Variants in RCOR1 observed in about 807,000 individuals in gnomAD.
The protein encoded by RCOR1 is REST corepressor 1.
Under a neutral mutation model 64.0 loss-of-function variants are expected in RCOR1, and 12 were observed. The observed-to-expected ratio is 0.19, with a 90% confidence interval of 0.12 to 0.30. The LOEUF (loss-of-function observed/expected upper bound fraction) is 0.30. Ranked by LOEUF, RCOR1 falls within the 10% of genes least tolerant of loss-of-function variation. RCOR1 has a pLI of 1.00. For missense variants in RCOR1, 502 were observed against 621.2 expected (o/e 0.81, Z 2.04); for synonymous variants, 279 against 227.2 (o/e 1.23, Z -2.05).
chr14:102,665,214 A>G (rs1894894528), intron 2 of RCOR1, among the ~76,000 whole-genome samples: 1 of 151,900 alleles, frequency 6.6e-6, no homozygotes, highest in African/African-American at 2.4e-5. Flanking sequence ...CATGTTGGTC[A>G]GGCTGGTCTC....
At chr14:102,656,840 A>G (rs1254120578) in intron 2 of RCOR1, among the ~76,000 whole-genome samples, 1 of 151,146 alleles carries the variant, frequency 6.6e-6, no homozygotes, top group African/African-American at 2.4e-5. Context: ...CAGTCGCGCA[A>G]TCTCAGCTCA....
chr14:102,667,832 G>T (rs1894946525), intron 2 of RCOR1, among the ~76,000 whole-genome samples: 1 of 152,182 alleles, frequency 6.6e-6, no homozygotes, highest in Non-Finnish European at 1.5e-5. Context: ...AAGTGATAGT[G>T]TTAATTTTTT....
At position 102,593,743 on chromosome 14, in the gene RCOR1, C is replaced by G. The variant is rs78756671; in HGVS notation, c.361+418C>G. 1.7e-3 allele frequency among the ~76,000 whole-genome samples: 261 copies of G among 152,300 alleles called. 4 individuals are homozygous for G. The East Asian group carries it at 0.046, about 27-fold the overall frequency. ...GTCCCCAGAGACCCCTTTCTCGGAA[C>G]CCTTCCCAAAGGCTGCTCCCCACGC... On this transcript the variant is annotated intron_variant, in intron 2 of 11. Transcript: ENST00000262241.
intron 2 of RCOR1, among the ~76,000 whole-genome samples, chr14:102,605,562 TAAAC>T (rs1893489094): frequency 6.6e-6 from 1 of 152,172 alleles, no homozygotes; most frequent in Non-Finnish European, 1.5e-5. Context: ...GGTGTTGGTG[TAAAC>T]AAACCTACTG....
intron 2 of RCOR1, among the ~76,000 whole-genome samples, chr14:102,679,129 T>G (rs1895251775): frequency 6.6e-6 from 1 of 152,212 alleles, no homozygotes; most frequent in South Asian, 2.1e-4. Flanking sequence ...ATTTTTAGTA[T>G]ACCATTAAAA....
chr14:102,620,980 T>A (rs1049994800), intron 2 of RCOR1, among the ~76,000 whole-genome samples: 3 of 152,204 alleles, frequency 2.0e-5, no homozygotes, highest in Non-Finnish European at 2.9e-5. Context: ...AAATTAATAC[T>A]TAGTCCTTAG....
In RCOR1 at chr14:102,592,835, T is replaced by C. The variant is rs1595184181; in HGVS notation, c.-52T>C. ...CCCCCTCCCCCGTCTCGGCGCCCCC[T>C]CCTCAGGAGCCGCGGGTCCCCGCCA... On this transcript the variant is annotated 5_prime_UTR_variant, in exon 1 of 12. Transcript: ENST00000262241. 2.6e-6 allele frequency: 3 copies of C among 1,156,570 alleles called. No homozygotes were observed. In the South Asian group the frequency reaches 1.3e-4, roughly 49 times the overall value. 71.6% of individuals were successfully genotyped at this position (1,156,570 alleles called of 1,614,324 possible). A position where few individuals can be genotyped will look rare whatever the true frequency, so the allele number is the denominator to read the frequency against.
At chr14:102,658,166 G>C (rs997815317) in intron 2 of RCOR1, among the ~76,000 whole-genome samples, 2 of 151,964 alleles carry the variant, frequency 1.3e-5, no homozygotes, top group African/African-American at 4.8e-5. Flanking sequence ...GTGGAGACGG[G>C]GTTTCACCAT....
intron 2 of RCOR1, among the ~76,000 whole-genome samples, chr14:102,623,928 G>A (rs1181861999): frequency 2.7e-5 from 4 of 150,572 alleles, no homozygotes; most frequent in South Asian, 4.2e-4. Context: ...GCATGGTGGC[G>A]GGCACCTGTA....
intron 2 of RCOR1, among the ~76,000 whole-genome samples, chr14:102,653,963 CTTTCTTTCTTTCTTTCTTTCTTTTTTTT>C (rs1894656713): frequency 2.3e-5 from 1 of 43,712 alleles, no homozygotes; most frequent in South Asian, 5.3e-4. Context: ...TTCTTTCTTT[CTTTCTTTCTTTCTTTCTTTCTTTTTTTT>C]TTTTTTTTTT....
At chr14:102,615,470 T>C (rs548043139) in intron 2 of RCOR1, among the ~76,000 whole-genome samples, 1 of 144,666 alleles carries the variant, frequency 6.9e-6, no homozygotes, top group Non-Finnish European at 1.5e-5. Context: ...TTTTTTGAGA[T>C]GGAGTTTCGC....
chr14:102,684,102 C>G (rs1434413646), intron 3 of RCOR1, among the ~76,000 whole-genome samples: 1 of 152,226 alleles, frequency 6.6e-6, no homozygotes, highest in Non-Finnish European at 1.5e-5. Flanking sequence ...GGTTCCTTGT[C>G]TTCCTCCAGA....
intron 2 of RCOR1, chr14:102,630,192 T>C: frequency 1.3e-5 from 2 of 157,500 alleles, no homozygotes; most frequent in Non-Finnish European, 2.7e-5. Context: ...AGTGAGTTCT[T>C]ACTCCTTTAG....
chr14:102,666,805 A>G (rs1433872500), intron 2 of RCOR1, among the ~76,000 whole-genome samples: 1 of 152,196 alleles, frequency 6.6e-6, no homozygotes, highest in African/African-American at 2.4e-5. Flanking sequence ...TACCATCAAC[A>G]TGACTGATGA....
intron 3 of RCOR1, among the ~76,000 whole-genome samples, chr14:102,687,246 C>G (rs1175403129): frequency 6.6e-6 from 1 of 152,202 alleles, no homozygotes; most frequent in African/African-American, 2.4e-5. Flanking sequence ...CTAGGCAACT[C>G]TTCCTTTTTA....
At chr14:102,721,127 T>G (rs1896161221) in intron 9 of RCOR1, 43 bp downstream of exon 9, 2 of 1,265,022 alleles carry the variant, frequency 1.6e-6, no homozygotes, top group Non-Finnish European at 2.3e-6. Flanking sequence ...TATTCAAGTT[T>G]TACATGTTTA....
At chr14:102,644,709 G>A (rs891506369) in intron 2 of RCOR1, among the ~76,000 whole-genome samples, 1 of 152,142 alleles carries the variant, frequency 6.6e-6, no homozygotes, top group African/African-American at 2.4e-5. Context: ...ACTTAAAATG[G>A]CAGGACAAGC....
chr14:102,667,294 A>AG (rs1167773410), intron 2 of RCOR1, among the ~76,000 whole-genome samples: 1 of 152,150 alleles, frequency 6.6e-6, no homozygotes, highest in East Asian at 1.9e-4. Flanking sequence ...TGAGGTCAGG[A>AG]GTTCGAGACC....
chr14:102,611,079 G>T (rs1893623086), intron 2 of RCOR1, among the ~76,000 whole-genome samples: 1 of 151,912 alleles, frequency 6.6e-6, no homozygotes, highest in Non-Finnish European at 1.5e-5. Flanking sequence ...TTGTTTGTTT[G>T]TTTTTTTGAG....
Sources: gnomAD v4.1 joint callset for allele counts (sites outside exome capture counted in the v4.1 genomes callset) on GRCh38, gnomAD v4.1.1 for gene constraint, MANE v1.5 for transcripts, NCBI Gene and HGNC (gene_info 2026-07-23, HGNC 2026-07-21) for gene names.